FGF12: variants seen among roughly 807,000 people sequenced by gnomAD.
FGF12 encodes the protein fibroblast growth factor 12.
A neutral mutation model predicts 23.6 loss-of-function variants in FGF12; 14 were observed. The observed-to-expected ratio is 0.59, with a 90% CI of 0.39 to 0.93. The LOEUF is 0.93. FGF12 is among the 40% of genes least tolerant of loss of function. The pLI is 0.00. For missense variants in FGF12, 175 were observed against 217.8 expected (o/e 0.80, Z 1.24); for synonymous variants, 62 against 77.3 (o/e 0.80, Z 1.04).
At chr3:192,209,226 C>T (rs1331445557) in intron 4 of FGF12, among the ~76,000 whole-genome samples, 5 of 152,144 alleles carry the variant, frequency 3.3e-5, no homozygotes, top group East Asian at 1.9e-4. Context: ...ATTGCCACTA[C>T]CACCACCACC....
At chr3:192,446,192 TAA>T (rs1375754247) in intron 2 of FGF12, among the ~76,000 whole-genome samples, 1 of 152,220 alleles carries the variant, frequency 6.6e-6, no homozygotes, top group Non-Finnish European at 1.5e-5. Context: ...ATATAAACAT[TAA>T]GTGACTACTT....
intron 5 of FGF12, among the ~76,000 whole-genome samples, chr3:192,158,346 C>CTTTCTTTCTTTCTTTCTTTCTTTCTT (rs1714573768): frequency 1.1e-4 from 10 of 93,328 alleles, no homozygotes; most frequent in African/African-American, 4.2e-4. Flanking sequence ...TTCTTTCTTT[C>CTTTCTTTCTTTCTTTCTTTCTTTCTT]TTTCTTTCTT....
chr3:192,167,733 A>G (rs113296280), intron 5 of FGF12, among the ~76,000 whole-genome samples: 268 of 15,018 alleles, frequency 0.018, 4 homozygotes, highest in African/African-American at 0.08. Flanking sequence ...GGTTATAGGT[A>G]TATATATATA....
At chr3:192,639,233 A>G (rs1313552193) in intron 2 of FGF12, among the ~76,000 whole-genome samples, 2 of 152,220 alleles carry the variant, frequency 1.3e-5, no homozygotes, top group African/African-American at 4.8e-5. Context: ...GGGAAATGTA[A>G]CTCAAAACCA....
At chr3:192,544,444 T>C (rs1725446118) in intron 2 of FGF12, among the ~76,000 whole-genome samples, 1 of 152,214 alleles carries the variant, frequency 6.6e-6, no homozygotes, top group Non-Finnish European at 1.5e-5. Flanking sequence ...TGAAGGCTTC[T>C]ATTTGGCCAT....
At chr3:192,452,550 C>G (rs1186060520) in intron 2 of FGF12, among the ~76,000 whole-genome samples, 1 of 152,112 alleles carries the variant, frequency 6.6e-6, no homozygotes, top group Non-Finnish European at 1.5e-5. Context: ...CTTCTACTTC[C>G]TGAAAAATTA....
chr3:192,253,491 A>T (rs1712172846), intron 4 of FGF12, among the ~76,000 whole-genome samples: 1 of 152,088 alleles, frequency 6.6e-6, no homozygotes, highest in East Asian at 1.9e-4. Context: ...AAAAGAAATT[A>T]ATTTAGCTTT....
intron 4 of FGF12, among the ~76,000 whole-genome samples, chr3:192,230,502 A>T (rs917553590): frequency 6.6e-6 from 1 of 152,176 alleles, no homozygotes; most frequent in Non-Finnish European, 1.5e-5. Context: ...CAGTGATGAC[A>T]GTATCATAAT....
intron 2 of FGF12, among the ~76,000 whole-genome samples, chr3:192,367,003 T>C (rs536091084): frequency 4.6e-5 from 7 of 152,088 alleles, no homozygotes; most frequent in African/African-American, 1.7e-4. Context: ...TTTCTATCAC[T>C]GGACATAACC....
intron 4 of FGF12, among the ~76,000 whole-genome samples, chr3:192,191,121 C>T (rs1342421692): frequency 1.3e-5 from 2 of 152,084 alleles, no homozygotes; most frequent in Non-Finnish European, 2.9e-5. Context: ...TTGGTGACTA[C>T]CCTGACATAA....
At chr3:192,183,462 T>C (rs1716291113) in intron 4 of FGF12, among the ~76,000 whole-genome samples, 2 of 152,240 alleles carry the variant, frequency 1.3e-5, no homozygotes, top group Admixed American at 6.5e-5. Flanking sequence ...TGCTTCTTGC[T>C]GTGATGGTGT....
At chr3:192,608,052 A>G (rs908120159) in intron 2 of FGF12, among the ~76,000 whole-genome samples, 1 of 152,110 alleles carries the variant, frequency 6.6e-6, no homozygotes, top group Non-Finnish European at 1.5e-5. Flanking sequence ...ACAGAAAGAC[A>G]AACTTCGCAT....
intron 4 of FGF12, among the ~76,000 whole-genome samples, chr3:192,275,607 A>G (rs1482590172): frequency 6.6e-6 from 1 of 152,202 alleles, no homozygotes; most frequent in African/African-American, 2.4e-5. Flanking sequence ...CTAAGTGGGA[A>G]CTAAAAAGAT....
intron 2 of FGF12, among the ~76,000 whole-genome samples, chr3:192,392,943 T>C (rs1477248836): frequency 6.6e-6 from 1 of 152,334 alleles, no homozygotes; most frequent in Admixed American, 6.5e-5. Context: ...GGGTATAGGT[T>C]TGCTTTTTAA....
In FGF12 at chr3:192,514,823, C is replaced by T; in HGVS notation, c.14-154285G>A. 1 of 985,386 alleles carries T rather than the reference C, an allele frequency of 1.0e-6. No individual in the cohort carries two copies. The highest frequency in any genetic ancestry group is 1.2e-6 in the Non-Finnish European group (1 of 829,920). The allele number at this position is 985,386 out of a possible 1,614,324, so 61.0% of individuals were successfully genotyped here. A position where few individuals can be genotyped will look rare whatever the true frequency, so the allele number is the denominator to read the frequency against. On this transcript the variant is annotated intron_variant, in intron 2 of 5. Transcript: ENST00000445105. This position sits in a 1 kb window ranked among gnomAD's most constrained non-coding sequence, Gnocchi z 4.9. Reference sequence around the variant, plus strand: ...CTGCGCTAGTAGTCCAACCAACAGGCGGCCTGTCTTCGGAAGCCGGGTCCC... The same window carrying T: ...CTGCGCTAGTAGTCCAACCAACAGGTGGCCTGTCTTCGGAAGCCGGGTCCC...
chr3:192,154,148 T>C (rs1025582271), intron 5 of FGF12, among the ~76,000 whole-genome samples: 3 of 115,126 alleles, frequency 2.6e-5, no homozygotes, highest in Non-Finnish European at 5.6e-5. Flanking sequence ...TTCTCGAGCC[T>C]TGGTTTTCAG....
intron 5 of FGF12, among the ~76,000 whole-genome samples, chr3:192,158,168 G>A (rs57580563): frequency 0.076 from 11,551 of 152,036 alleles, 554 homozygotes; most frequent in East Asian, 0.2. Flanking sequence ...GCACTTTCTG[G>A]AATTCTACTA....
intron 2 of FGF12, among the ~76,000 whole-genome samples, chr3:192,441,259 C>T (rs1722192794): frequency 6.6e-6 from 1 of 152,158 alleles, no homozygotes; most frequent in Admixed American, 6.5e-5. Flanking sequence ...GACAGCTTTC[C>T]TTATCTTTTT....
At chr3:192,664,594 CAAAAAAAATACAA>C (rs1716789804) in intron 2 of FGF12, among the ~76,000 whole-genome samples, 1 of 97,078 alleles carries the variant, frequency 1.0e-5, no homozygotes, top group African/African-American at 4.3e-5. Context: ...ACTAAAAATA[CAAAAAAAATACAA>C]AAAAAAAAAA....
Sources: allele counts gnomAD v4.1 joint callset (sites outside exome capture counted in the v4.1 genomes callset), GRCh38; gene constraint gnomAD v4.1.1; non-coding constraint Gnocchi (gnomAD v3.1); transcripts MANE v1.5; gene names NCBI Gene and HGNC (gene_info 2026-07-23, HGNC 2026-07-21).